SPG11: variants seen among roughly 807,000 people sequenced by gnomAD.
SPG11 encodes SPG11 vesicle trafficking associated, spatacsin.
A neutral mutation model predicts 274.0 loss-of-function variants in SPG11; 222 were observed. The observed-to-expected ratio is 0.81, with a 90% CI of 0.73 to 0.91. The LOEUF (loss-of-function observed/expected upper bound fraction) is 0.91, where lower values mean the gene tolerates loss of function less well. SPG11 is among the 40% of genes least tolerant of loss of function. The pLI is 0.00. For missense variants in SPG11, 3,114 were observed against 2,872.7 expected (o/e 1.08, Z -1.92); for synonymous variants, 1,144 against 1,039.7 (o/e 1.10, Z -1.93).
Position 44,572,747 on chromosome 15 carries a change from G to A in SPG11, c.6279C>T (p.Arg2093=). ...CCAACAACTTCATGCCTACCAATGT[G>A]CGGTCTTGACACAGAGTGGTCAGCT... ...FLQLTTLCQD[R]TLVGMKLLDK... The change falls in exon 33 of 40, where the codon CGC becomes CGT. Residue 2093 remains arginine (R), a synonymous_variant. Coordinates refer to ENST00000261866, the MANE Select transcript of SPG11 (RefSeq NM_025137.4). The A allele has an allele frequency of 6.2e-7, 1 of 1,614,070 alleles. No individual in the cohort carries two copies. Among genetic ancestry groups the A allele is most frequent in the Non-Finnish European group, 8.5e-7 (1 of 1,179,992 alleles).
chr15:44,606,812 A>G (rs1567158115), intron 19 of SPG11, among the ~76,000 whole-genome samples: 2 of 152,224 alleles, frequency 1.3e-5, no homozygotes, highest in African/African-American at 2.4e-5. Context: ...TAACCACTAA[A>G]AAAATTAAAT....
rs538672594 is a variant in SPG11, at chr15:44,578,726, T to A, written c.5867-3685A>T. Among the ~76,000 whole-genome samples, 4 of 152,312 alleles carry A rather than the reference T, an allele frequency of 2.6e-5. No individual in the cohort carries two copies. The East Asian group carries it at 7.7e-4, about 29-fold the overall frequency. On this transcript the variant is annotated intron_variant, in intron 30 of 39. Coordinates refer to ENST00000261866, the MANE Select transcript of SPG11 (RefSeq NM_025137.4). ...AAATGAACTAATGTTAAAACCACAA[T>A]GCACAGGCAGTGGTTTGGAACTTCA... is the stretch of plus-strand genomic sequence containing the variant.
chr15:44,654,331 G>A (rs563978605), intron 4 of SPG11, among the ~76,000 whole-genome samples: 2 of 151,952 alleles, frequency 1.3e-5, no homozygotes, highest in African/African-American at 4.8e-5. Flanking sequence ...CCAACATGGC[G>A]AAACCGTTTC....
chr15:44,588,062 A>G (rs1348871523), intron 28 of SPG11, among the ~76,000 whole-genome samples: 5 of 152,226 alleles, frequency 3.3e-5, no homozygotes. Context: ...CTCTGAGCTC[A>G]GGATTCTGTC....
At chr15:44,650,962 G>C (rs559912420) in intron 6 of SPG11, among the ~76,000 whole-genome samples, 1 of 152,246 alleles carries the variant, frequency 6.6e-6, no homozygotes, top group Admixed American at 6.5e-5. Flanking sequence ...TGGTCAGGCT[G>C]GTCTTGAACT....
chr15:44,571,216 G>A (rs2082416458), intron 33 of SPG11, among the ~76,000 whole-genome samples: 1 of 152,164 alleles, frequency 6.6e-6, no homozygotes, highest in Non-Finnish European at 1.5e-5. Context: ...TAGCCTCTGG[G>A]CTTTTGCATC....
At chr15:44,586,910 T>C (rs1282016563) in intron 28 of SPG11, among the ~76,000 whole-genome samples, 10 of 152,218 alleles carry the variant, frequency 6.6e-5, no homozygotes, top group Non-Finnish European at 1.3e-4. Flanking sequence ...AGCTGGCCAA[T>C]AGCCTAGGCT....
intron 30 of SPG11, among the ~76,000 whole-genome samples, chr15:44,578,976 C>T (rs762457970): frequency 1.7e-4 from 26 of 151,524 alleles, no homozygotes; most frequent in Non-Finnish European, 2.7e-4. Flanking sequence ...GCCAACATGG[C>T]GAAACCCTGT....
At chr15:44,602,337 A>C (rs1426634109) in intron 20 of SPG11, among the ~76,000 whole-genome samples, 1 of 152,210 alleles carries the variant, frequency 6.6e-6, no homozygotes, top group East Asian at 1.9e-4. Flanking sequence ...TGAGTATATT[A>C]GCTGTGAGAC....
intron 1 of SPG11, among the ~76,000 whole-genome samples, chr15:44,661,024 AAAAG>A (rs1295147517): frequency 6.6e-6 from 1 of 152,224 alleles, no homozygotes. Flanking sequence ...TTTGACTTTT[AAAAG>A]AAAGTGATTA....
intron 1 of SPG11, among the ~76,000 whole-genome samples, chr15:44,663,152 C>G (rs957404268): frequency 2.0e-5 from 3 of 152,248 alleles, no homozygotes; most frequent in Non-Finnish European, 1.5e-5. Context: ...TGGGTGCCGT[C>G]TCCGCCCACC....
chr15:44,578,085 C>T (rs1490864996), intron 30 of SPG11, among the ~76,000 whole-genome samples: 3 of 139,700 alleles, frequency 2.1e-5, no homozygotes, highest in African/African-American at 2.7e-5. Flanking sequence ...AGTGCATTGG[C>T]GTGATCTCGG....
chr15:44,613,727 T>G (rs372096061), intron 16 of SPG11, among the ~76,000 whole-genome samples, 191 bp from the exon 17 acceptor site: 2 of 152,360 alleles, frequency 1.3e-5, no homozygotes, highest in African/African-American at 2.4e-5. Context: ...ATTTTAGAGA[T>G]AGAGATTTTA....
chr15:44,578,462 G>T (rs990114381), intron 30 of SPG11, among the ~76,000 whole-genome samples: 1 of 152,056 alleles, frequency 6.6e-6, no homozygotes, highest in Non-Finnish European at 1.5e-5. Flanking sequence ...AAGACAGAGT[G>T]GGGGTAACTA....
Position 44,567,460 on chromosome 15 carries a change from G to C in SPG11, c.6718C>G (p.Arg2240Gly). Reference protein sequence around the residue: ...EIGENHEAAARIQLKLIESQP... With the variant: ...EIGENHEAAAGIQLKLIESQP... ...GACTCAATCAATTTCAGTTGGATGC[G>C]GGCAGCTGCCTCGTGGTTCTCGCCA... Residue 2240 changes from arginine to glycine, a missense_variant, in exon 36 of 40, where the codon CGC (arginine) becomes GGC (glycine). Arg to Gly is a moderately radical substitution (Grantham distance 125). Transcript: ENST00000261866. The C allele has an allele frequency of 6.2e-7, 1 of 1,613,950 alleles. No homozygotes were observed. Among genetic ancestry groups the C allele is most frequent in the Non-Finnish European group, 8.5e-7 (1 of 1,179,986 alleles).
At position 44,613,496 on chromosome 15, in the gene SPG11, ACT is replaced by A; in HGVS notation, c.3077_3078del (p.Glu1026ValfsTer3). 1.2e-6 allele frequency: 2 copies of A among 1,613,812 alleles called. No individual in the cohort carries two copies. The highest frequency in any genetic ancestry group is 1.1e-5 in the South Asian group (1 of 91,076). The stretch of plus-strand genomic sequence containing the variant: ...TCAAACCAAGGGTGTGCTTCATGTA[ACT>A]CTTTTTTTTCCAAAAAGGGACAATT... ...PENCPFLEKKELHEAHPWFEF... is the reference protein window; with the variant it reads ...PENCPFLEKKXLHEAHPWFEF... On this transcript the variant is annotated frameshift_variant, in exon 17 of 40. Coordinates refer to ENST00000261866, the MANE Select transcript of SPG11 (RefSeq NM_025137.4). LOFTEE classifies it high-confidence loss of function.
Position 44,613,544 on chromosome 15 carries a change from T to G in SPG11, c.3039-8A>C. The stretch of plus-strand genomic sequence containing the variant: ...CAATTTTCAGGACTAAGTCTGTATA[T>G]AAAACAAACAAAAACCTTCTTTGAT... On this transcript the variant is annotated splice_region_variant and splice_polypyrimidine_tract_variant and intron_variant, in intron 16 of 39. Coordinates refer to ENST00000261866, the MANE Select transcript of SPG11 (RefSeq NM_025137.4). 2 of 1,580,248 alleles carry G rather than the reference T, an allele frequency of 1.3e-6. No individual in the cohort carries two copies. Among genetic ancestry groups the G allele is most frequent in the East Asian group, 2.2e-5 (1 of 44,622 alleles).
intron 26 of SPG11, among the ~76,000 whole-genome samples, chr15:44,593,039 C>T (rs1333867158): frequency 4.6e-5 from 7 of 151,436 alleles, no homozygotes; most frequent in African/African-American, 1.5e-4. Context: ...AAATCATGTA[C>T]GTTAAAGTTA....
At chr15:44,613,397 C>A in intron 17 of SPG11, 33 bp downstream of exon 17, 1 of 1,410,436 alleles carries the variant, frequency 7.1e-7, no homozygotes, top group Non-Finnish European at 1.0e-6. Flanking sequence ...TGATCCAAAG[C>A]AAGTTTCTGT....
Sources: gnomAD v4.1 joint callset for allele counts (sites outside exome capture counted in the v4.1 genomes callset) on GRCh38, gnomAD v4.1.1 for gene constraint, MANE v1.5 for transcripts, NCBI Gene and HGNC (gene_info 2026-07-23, HGNC 2026-07-21) for gene names.